RFX1: variants seen among roughly 807,000 people sequenced by gnomAD.
The protein encoded by RFX1 is MHC class II regulatory factor RFX1.
Under a neutral mutation model 119.6 loss-of-function variants are expected in RFX1, and 42 were observed. The observed-to-expected ratio is 0.35, with a 90% confidence interval of 0.27 to 0.45. The LOEUF (loss-of-function observed/expected upper bound fraction) is 0.45. Ranked by LOEUF, RFX1 falls within the 20% of genes least tolerant of loss-of-function variation. The pLI is 1.00. For synonymous variants in RFX1, 628 were observed against 618.5 expected, an observed-to-expected ratio of 1.02 and a Z score of -0.23; for missense variants, 1,118 against 1,368.1, an observed-to-expected ratio of 0.82 and a Z score of 2.88.
At chr19:13,973,196 G>T in intron 8 of RFX1, 69 bp from the exon 9 acceptor site, 1 of 777,952 alleles carries the variant, frequency 1.3e-6, no homozygotes, top group Non-Finnish European at 2.0e-6. Context: ...GCATGACTGT[G>T]CAGGAAGGGG....
intron 1 of RFX1, among the ~76,000 whole-genome samples, chr19:13,998,666 G>A (rs980738444): frequency 2.2e-4 from 33 of 152,122 alleles, no homozygotes; most frequent in East Asian, 1.9e-4. Context: ...CTAAGCTTTC[G>A]TCAGCAACAT....
chr19:13,991,873 G>C (rs1213256584), intron 2 of RFX1, among the ~76,000 whole-genome samples: 1 of 152,036 alleles, frequency 6.6e-6, no homozygotes, highest in Non-Finnish European at 1.5e-5. Flanking sequence ...TGTTGGCCAG[G>C]CTGGTCTCGA....
At chr19:13,978,163 C>A in intron 7 of RFX1, 77 bp from the exon 8 acceptor site, 1 of 1,090,200 alleles carries the variant, frequency 9.2e-7, no homozygotes. Flanking sequence ...GGCTGGTGCC[C>A]ACCCAGGCTA....
At chr19:14,001,196 A>T (rs1429228392) in intron 1 of RFX1, among the ~76,000 whole-genome samples, 2 of 152,090 alleles carry the variant, frequency 1.3e-5, no homozygotes, top group African/African-American at 4.8e-5. Flanking sequence ...CTCCTTATTC[A>T]GGTCTCAGCT....
In RFX1 at chr19:13,972,849, G is replaced by C; in HGVS notation, c.1208C>G (p.Thr403Ser). 6.3e-7 allele frequency: 1 copy of C among 1,576,208 alleles called. No homozygotes were observed. Among genetic ancestry groups the C allele is most frequent in the Non-Finnish European group, 8.6e-7 (1 of 1,164,206 alleles). ...GGGGGGGSGS[T>S]GGGGSGAGTY... Reference sequence around the variant, plus strand: ...GCCTGCTCCGCTGCCGCCGCCTCCGGTGCTGCCACTGCCACCCCCGCCACC... The same window carrying C: ...GCCTGCTCCGCTGCCGCCGCCTCCGCTGCTGCCACTGCCACCCCCGCCACC... The change falls in exon 9 of 21, where the codon ACC becomes AGC. Residue 403 changes from threonine to serine, a missense_variant. By Grantham distance (58) the Thr-to-Ser change is moderately conservative (BLOSUM62 1). Transcript: ENST00000254325.
chr19:13,978,836 G>A (rs1002222873), intron 7 of RFX1, among the ~76,000 whole-genome samples: 13 of 152,136 alleles, frequency 8.5e-5, no homozygotes, highest in Non-Finnish European at 1.6e-4. Context: ...GCTCGGGCCG[G>A]GAGCCGGGAC....
chr19:13,977,177 C>T (rs1255677019), intron 8 of RFX1, among the ~76,000 whole-genome samples: 1 of 151,650 alleles, frequency 6.6e-6, no homozygotes, highest in African/African-American at 2.4e-5. Context: ...TGCCTGTAAT[C>T]CCAGCTACCC....
At chr19:13,978,316 G>T (rs953470478) in intron 7 of RFX1, among the ~76,000 whole-genome samples, 2 of 152,222 alleles carry the variant, frequency 1.3e-5, no homozygotes, top group African/African-American at 4.8e-5. Context: ...AGCAAGGGTG[G>T]GGCCTGACGG....
At position 13,962,768 on chromosome 19, in the gene RFX1, G is replaced by A. The variant is rs1973741188; in HGVS notation, c.2867C>T (p.Thr956Ile). ...GGESPALGPE[T>I]LEPPAKLART... ...CGCCAGCTTGGCCGGCGGCTCCAGG[G>A]TCTCCGGGCCCAGCGCGGGTGACTC... The change falls in exon 21 of 21, where the codon ACC (threonine) becomes ATC (isoleucine). Residue 956 changes from threonine (T) to isoleucine (I), a missense_variant. Coordinates refer to ENST00000254325, the MANE Select transcript of RFX1 (RefSeq NM_002918.5). The A allele has an allele frequency of 6.5e-7, 1 of 1,530,666 alleles. No homozygotes were observed. The highest frequency in any genetic ancestry group is 2.0e-5 in the Admixed American group (1 of 50,300). 94.8% of individuals were successfully genotyped at this position (1,530,666 alleles called of 1,614,324 possible).
Position 13,971,898 on chromosome 19 carries a change from C to A in RFX1, c.1314+845G>T, listed in dbSNP as rs150014423. 5.4e-3 allele frequency among the ~76,000 whole-genome samples: 822 copies of A among 152,154 alleles called. 1 individual carries two copies. Among genetic ancestry groups the A allele is most frequent in the Admixed American group, 9.9e-3 (152 of 15,282 alleles). On this transcript the variant is annotated intron_variant, in intron 9 of 20. Coordinates refer to ENST00000254325, the MANE Select transcript of RFX1 (RefSeq NM_002918.5). ...TGGCACGCCTATAGTCCCAGCTACT[C>A]GGGAGACTGGGGCAGGAGAATCACT...
intron 1 of RFX1, among the ~76,000 whole-genome samples, chr19:14,001,083 A>C (rs1480872064): frequency 6.6e-6 from 1 of 152,024 alleles, no homozygotes; most frequent in Non-Finnish European, 1.5e-5. Flanking sequence ...AAAACAAAAC[A>C]AAAAAATGCT....
intron 18 of RFX1, 79 bp from the exon 19 acceptor site, chr19:13,963,354 C>CGG (rs1973780090): frequency 4.0e-6 from 6 of 1,501,800 alleles, no homozygotes; most frequent in Admixed American, 2.0e-5. Flanking sequence ...GCGATGCGCC[C>CGG]GGGCCTCGCG....
rs752583033 is a variant in RFX1, at chr19:13,995,066, C to A, written c.-52-1171G>T. Among the ~76,000 whole-genome samples the A allele has an allele frequency of 2.0e-5, 3 of 151,018 alleles. No homozygotes were observed. In the East Asian group the frequency reaches 5.9e-4, roughly 30 times the overall value. ...GATTCTAGGTGTGAGCCACCACGCC[C>A]GGCCTATTTCATTTTAAACTTTCCA... On this transcript the variant is annotated intron_variant, in intron 1 of 20. Transcript: ENST00000254325.
At chr19:13,979,423 G>T (rs766278114) in intron 7 of RFX1, 24 bp downstream of exon 7, 15 of 1,500,662 alleles carry the variant, frequency 1.0e-5, no homozygotes, top group Non-Finnish European at 1.4e-5. Context: ...CTTTGCCCGT[G>T]GGGTAGGAGG....
chr19:13,977,075 T>G (rs993138943), intron 8 of RFX1, among the ~76,000 whole-genome samples: 1 of 151,634 alleles, frequency 6.6e-6, no homozygotes, highest in Non-Finnish European at 1.5e-5. Context: ...GACGGGTGGA[T>G]CACGAGGTCA....
At chr19:13,982,092 G>A in intron 5 of RFX1, 29 bp downstream of exon 5, 16 of 1,167,890 alleles carry the variant, frequency 1.4e-5, no homozygotes, top group Non-Finnish European at 1.8e-5. Flanking sequence ...ACAGCAGGGG[G>A]GAGGGCGGCC....
At chr19:13,987,426 C>G (rs1192884562) in intron 2 of RFX1, among the ~76,000 whole-genome samples, 3 of 152,086 alleles carry the variant, frequency 2.0e-5, no homozygotes, top group Non-Finnish European at 2.9e-5. Context: ...AAGTCTGGGT[C>G]CAGGCCCCTC....
intron 20 of RFX1, 56 bp from the exon 21 acceptor site, chr19:13,962,920 C>G: frequency 6.5e-7 from 1 of 1,544,362 alleles, no homozygotes; most frequent in Non-Finnish European, 8.7e-7. Context: ...CCCCGGGCTC[C>G]TCCTCCTCCC....
intron 1 of RFX1, among the ~76,000 whole-genome samples, chr19:14,003,917 T>A (rs1333483982): frequency 6.6e-6 from 1 of 152,172 alleles, no homozygotes. Flanking sequence ...AGTTAGCTTT[T>A]TTTTTTTTGA....
Sources: allele counts gnomAD v4.1 joint callset (sites outside exome capture counted in the v4.1 genomes callset), GRCh38; gene constraint gnomAD v4.1.1; transcripts MANE v1.5; gene names NCBI Gene and HGNC (gene_info 2026-07-23, HGNC 2026-07-21).